The following MIPOL1 variants were observed in gnomAD, a reference collection of about 807,000 sequenced individuals.
MIPOL1 encodes mirror-image polydactyly gene 1 protein.
MIPOL1 carries 57 observed loss-of-function variants against 60.9 expected under a neutral mutation model. The observed-to-expected ratio is 0.94, with a 90% CI of 0.76 to 1.17. The LOEUF (loss-of-function observed/expected upper bound fraction) is 1.17, where lower values mean the gene tolerates loss of function less well. Among genes scored for constraint, MIPOL1 ranks in the 50% most tolerant of loss-of-function variants. The pLI is 0.00. For missense variants in MIPOL1, 551 were observed against 511.6 expected (o/e 1.08, Z -0.74); for synonymous variants, 179 against 168.8 (o/e 1.06, Z -0.47).
chr14:37,547,262 T>C lies in MIPOL1; in HGVS notation c.*291T>C, dbSNP rs939106693. 3.4e-6 allele frequency: 1 copy of C among 295,978 alleles called. No individual in the cohort carries two copies. Among genetic ancestry groups the C allele is most frequent in the African/African-American group, 2.2e-5 (1 of 45,886 alleles). 18.3% of individuals were successfully genotyped at this position (295,978 alleles called of 1,614,324 possible). A position where few individuals can be genotyped will look rare whatever the true frequency, so the allele number is the denominator to read the frequency against. ...TCTCAATATCTTTAATATAAATCTT[T>C]TTACTGAGAGATCATTATAGAAACA... is the stretch of plus-strand genomic sequence containing the variant. On this transcript the variant is annotated 3_prime_UTR_variant, in exon 13 of 13. Coordinates refer to ENST00000684589, the MANE Select transcript of MIPOL1 (RefSeq NM_001388067.1).
intron 11 of MIPOL1, among the ~76,000 whole-genome samples, chr14:37,474,554 A>G (rs765611658): frequency 6.6e-6 from 1 of 152,180 alleles, no homozygotes; most frequent in Non-Finnish European, 1.5e-5. Context: ...ACCTTCAGCC[A>G]TGATTATGAG....
At chr14:37,477,074 AT>A (rs949263589) in intron 11 of MIPOL1, among the ~76,000 whole-genome samples, 4 of 151,284 alleles carry the variant, frequency 2.6e-5, no homozygotes, top group Non-Finnish European at 5.9e-5. Context: ...TAATTTTTGT[AT>A]TTTTGACAGA....
chr14:37,323,879 G>A (rs1308135502), intron 9 of MIPOL1, among the ~76,000 whole-genome samples: 2 of 151,906 alleles, frequency 1.3e-5, no homozygotes, highest in Admixed American at 6.6e-5. Context: ...CAAGATATTT[G>A]TGATATTTTC....
chr14:37,444,470 A>G (rs1443789382), intron 11 of MIPOL1, among the ~76,000 whole-genome samples: 1 of 152,216 alleles, frequency 6.6e-6, no homozygotes, highest in Non-Finnish European at 1.5e-5. Flanking sequence ...TCTGCAGGCT[A>G]TATATTACCC....
Position 37,500,129 on chromosome 14 carries a change from A to G in MIPOL1, c.1253A>G (p.Lys418Arg). ...GAGGCCTCCCAAGTGGCCAATGAAAAAGTTCAAAAGTAAGTTAAATGATCT... is the reference window on the plus strand; with the variant it reads ...GAGGCCTCCCAAGTGGCCAATGAAAGAGTTCAAAAGTAAGTTAAATGATCT... ...AREASQVANE[K>R]VQKLERLVDV... Residue 418 changes from lysine to arginine, a missense_variant, in exon 12 of 13, where the codon AAA becomes AGA. By Grantham distance (26) the Lys-to-Arg change is conservative. Transcript: ENST00000684589. The G allele has an allele frequency of 6.3e-7, 1 of 1,598,836 alleles. No individual in the cohort carries two copies. Among genetic ancestry groups the G allele is most frequent in the Non-Finnish European group, 8.5e-7 (1 of 1,172,056 alleles).
chr14:37,349,253 G>A, intron 9 of MIPOL1, among the ~76,000 whole-genome samples: 1 of 152,096 alleles, frequency 6.6e-6, no homozygotes, highest in Non-Finnish European at 1.5e-5. Flanking sequence ...CTCCCAAAGT[G>A]CTGAGATAAC....
intron 9 of MIPOL1, among the ~76,000 whole-genome samples, chr14:37,337,124 T>C (rs539578503): frequency 1.7e-4 from 26 of 151,648 alleles, no homozygotes; most frequent in African/African-American, 6.3e-4. Context: ...TGCTGTGGCT[T>C]CTTAAATGGT....
chr14:37,310,133 AT>A (rs1196066899), intron 9 of MIPOL1, among the ~76,000 whole-genome samples: 1 of 152,018 alleles, frequency 6.6e-6, no homozygotes, highest in Non-Finnish European at 1.5e-5. Context: ...ATATACCCTC[AT>A]TTCTCTTTGC....
At chr14:37,427,874 A>G (rs1227954297) in intron 11 of MIPOL1, among the ~76,000 whole-genome samples, 4 of 152,202 alleles carry the variant, frequency 2.6e-5, no homozygotes, top group Non-Finnish European at 5.9e-5. Context: ...CCTATGTTAT[A>G]GAGGAAATGA....
rs1227100478 is a variant in MIPOL1 at position 37,422,958 on chromosome 14, C to A, written c.1031+9C>A. Reference sequence around the variant, plus strand: ...CTTCGAGTTTACTACAGGTAAAATTCTTTTTAGCCTGGGGTTAAGTAAATA... The same window carrying A: ...CTTCGAGTTTACTACAGGTAAAATTATTTTTAGCCTGGGGTTAAGTAAATA... On this transcript the variant is annotated intron_variant, in intron 11 of 12. Coordinates refer to ENST00000684589, the MANE Select transcript of MIPOL1 (RefSeq NM_001388067.1). 3.2e-6 allele frequency: 5 copies of A among 1,551,670 alleles called. No individual in the cohort carries two copies. The highest frequency in any genetic ancestry group is 2.3e-5 in the East Asian group (1 of 43,240).
At position 37,369,634 on chromosome 14, in the gene MIPOL1, C is replaced by T. The variant is rs776533823; in HGVS notation, c.936+10C>T. On this transcript the variant is annotated intron_variant, in intron 10 of 12. Coordinates refer to ENST00000684589, the MANE Select transcript of MIPOL1 (RefSeq NM_001388067.1). ...AGAACGTGCTCTGAAGGTAAATCTC[C>T]GTTCCTTCTTGCAGGCAAATTAAGG... 24 of 1,604,370 alleles carry T rather than the reference C, an allele frequency of 1.5e-5. No individual in the cohort carries two copies. The highest frequency in any genetic ancestry group is 1.7e-4 in the Middle Eastern group (1 of 6,046).
intron 1 of MIPOL1, among the ~76,000 whole-genome samples, chr14:37,238,076 C>A (rs1296579166): frequency 1.3e-5 from 2 of 152,144 alleles, no homozygotes; most frequent in Non-Finnish European, 2.9e-5. Flanking sequence ...AAGTGATCCT[C>A]CTTCCTTGGT....
chr14:37,466,557 T>G (rs1035001098), intron 11 of MIPOL1, among the ~76,000 whole-genome samples: 2 of 152,166 alleles, frequency 1.3e-5, no homozygotes, highest in African/African-American at 2.4e-5. Context: ...CAAATTTCAC[T>G]CTATGCAATG....
rs114929211 is a variant in MIPOL1, at chr14:37,292,431, G to A, written c.623+6984G>A. ...GCAATTTTGTCAAAAACTTTTAGCA[G>A]AACAGAATGGTACAAGTGAATTTCC... On this transcript the variant is annotated intron_variant, in intron 7 of 12. Transcript: ENST00000684589. 5.6e-3 allele frequency among the ~76,000 whole-genome samples: 812 copies of A among 144,292 alleles called. 5 individuals are homozygous for A. Among genetic ancestry groups the A allele is most frequent in the African/African-American group, 0.02 (776 of 39,178 alleles). The allele number at this position is 144,292 out of a possible 152,430, so 94.7% of individuals were successfully genotyped here. A position where few individuals can be genotyped will look rare whatever the true frequency, so the allele number is the denominator to read the frequency against.
At chr14:37,268,452 C>T (rs955245566) in intron 4 of MIPOL1, among the ~76,000 whole-genome samples, 3 of 152,028 alleles carry the variant, frequency 2.0e-5, no homozygotes, top group African/African-American at 7.2e-5. Context: ...CTGTCCCAGC[C>T]GTCACTAAAT....
intron 1 of MIPOL1, among the ~76,000 whole-genome samples, chr14:37,200,230 A>G (rs1433969377): frequency 1.3e-5 from 2 of 152,244 alleles, no homozygotes; most frequent in African/African-American, 2.4e-5. Context: ...TAGGTTGTAC[A>G]GGCTGTACAG....
At chr14:37,368,333 C>G (rs998379943) in intron 9 of MIPOL1, among the ~76,000 whole-genome samples, 1 of 107,998 alleles carries the variant, frequency 9.3e-6, no homozygotes, top group Non-Finnish European at 1.9e-5. Context: ...TCTGGTAAGA[C>G]TTTTTCTTCT....
intron 11 of MIPOL1, among the ~76,000 whole-genome samples, chr14:37,445,161 G>T (rs1413949994): frequency 6.6e-6 from 1 of 152,038 alleles, no homozygotes; most frequent in African/African-American, 2.4e-5. Context: ...TGACATGATT[G>T]TATATCTAGA....
chr14:37,361,331 G>A (rs1044812067), intron 9 of MIPOL1, among the ~76,000 whole-genome samples: 8 of 152,140 alleles, frequency 5.3e-5, no homozygotes, highest in African/African-American at 1.9e-4. Context: ...ATGTCTATTA[G>A]GTCCCCTTGG....
Sources: gnomAD v4.1 joint callset for allele counts (sites outside exome capture counted in the v4.1 genomes callset) on GRCh38, gnomAD v4.1.1 for gene constraint, MANE v1.5 for transcripts, NCBI Gene and HGNC (gene_info 2026-07-23, HGNC 2026-07-21) for gene names.